Variants in NPAS4 observed in about 807,000 individuals in gnomAD.
The protein encoded by NPAS4 is neuronal PAS domain protein 4.
In NPAS4, 10 loss-of-function variants were observed where a neutral mutation model predicts 64.0. The ratio of observed to expected loss-of-function variants is 0.16; its 90% CI spans 0.10 to 0.26. The LOEUF (loss-of-function observed/expected upper bound fraction) is 0.26, where lower values mean the gene tolerates loss of function less well. Among genes scored for constraint, NPAS4 ranks in the 10% least tolerant of loss-of-function variants. The pLI is 1.00. For missense variants in NPAS4, 886 were observed against 992.6 expected (o/e 0.89, Z 1.44); for synonymous variants, 441 against 411.7 (o/e 1.07, Z -0.86).
In NPAS4 at chr11:66,422,188, C is replaced by G; in HGVS notation, c.244C>G (p.Pro82Ala). 6.2e-7 allele frequency: 1 copy of G among 1,614,080 alleles called. No homozygotes were observed. The highest frequency in any genetic ancestry group is 8.5e-7 in the Non-Finnish European group (1 of 1,179,988). The change falls in exon 2 of 8, where the codon CCC becomes GCC. Residue 82 changes from proline to alanine, a missense_variant. By Grantham distance (27) the Pro-to-Ala change is conservative (BLOSUM62 -1). Around this residue, in one of 3 missense-constraint regions of NPAS4, gnomAD observed 820 missense variants for 855.5 expected, o/e 0.96. Coordinates refer to ENST00000311034, the MANE Select transcript of NPAS4 (RefSeq NM_178864.4). The stretch of plus-strand genomic sequence containing the variant: ...GCTTGAGGACATCGTAGCGGCACTA[C>G]CCGGCTTTCTGCTTGTGTTCACAGC... Reference protein sequence around the residue: ...QELEDIVAALPGFLLVFTAEG... With the variant: ...QELEDIVAALAGFLLVFTAEG...
In NPAS4 at chr11:66,422,853, G is replaced by A. The variant is rs774697951; in HGVS notation, c.610G>A (p.Gly204Ser). ...GGAGCCGAGACCCCGCCCAGGTCCTGGCCCTGGCCCTGGCCCTGCCTCGCT... is the reference window on the plus strand; with the variant it reads ...GGAGCCGAGACCCCGCCCAGGTCCTAGCCCTGGCCCTGGCCCTGCCTCGCT... Reference protein sequence around the residue: ...PLEPRPRPGPGPGPGPASLFL... With the variant: ...PLEPRPRPGPSPGPGPASLFL... The change falls in exon 4 of 8, where the codon GGC (glycine) becomes AGC (serine). Residue 204 changes from glycine (G) to serine (S), a missense_variant. Around this residue, in one of 3 missense-constraint regions of NPAS4, gnomAD observed 820 missense variants for 855.5 expected, o/e 0.96. Coordinates refer to ENST00000311034, the MANE Select transcript of NPAS4 (RefSeq NM_178864.4). The A allele has an allele frequency of 4.5e-5, 73 of 1,612,702 alleles. No homozygotes were observed. The highest frequency in any genetic ancestry group is 6.0e-5 in the Non-Finnish European group (71 of 1,179,998).
In NPAS4 at chr11:66,423,311, T is replaced by A. The variant is rs1856780602; in HGVS notation, c.808+79T>A. 3 of 1,000,888 alleles carry A rather than the reference T, an allele frequency of 3.0e-6. No homozygotes were observed. In the African/African-American group the frequency reaches 4.8e-5, roughly 16 times the overall value. The allele number at this position is 1,000,888 out of a possible 1,614,324, so 62.0% of individuals were successfully genotyped here. On this transcript the variant is annotated intron_variant, in intron 5 of 7. Transcript: ENST00000311034. ...AGACCAGACAAAGAATGATCTGTAGTCAAGAGTGATGCTGGGGAGATAACA... is the reference window on the plus strand; with the variant it reads ...AGACCAGACAAAGAATGATCTGTAGACAAGAGTGATGCTGGGGAGATAACA...
chr11:66,409,724 C>T, the NPAS4 span: 1 of 152,296 alleles, frequency 6.6e-6, no homozygotes, highest in Non-Finnish European at 1.5e-5. Flanking sequence ...CAGATGCTGA[C>T]CTCCTGGCCA....
the NPAS4 span, among the ~76,000 whole-genome samples, chr11:66,413,385 T>A: frequency 6.6e-6 from 1 of 151,938 alleles, no homozygotes; most frequent in African/African-American, 2.4e-5. Flanking sequence ...GGCAAGGGGG[T>A]GCATGAGGCC....
chr11:66,411,412 G>A, the NPAS4 span, among the ~76,000 whole-genome samples: 1 of 152,174 alleles, frequency 6.6e-6, no homozygotes, highest in African/African-American at 2.4e-5. Flanking sequence ...GTAGAGCTGG[G>A]AACAGAATCT....
At position 66,424,390 on chromosome 11, in the gene NPAS4, G is replaced by A; in HGVS notation, c.1500G>A (p.Gln500=). 2 of 1,614,096 alleles carry A rather than the reference G, an allele frequency of 1.2e-6. No homozygotes were observed. Among genetic ancestry groups the A allele is most frequent in the South Asian group, 1.1e-5 (1 of 91,072 alleles). The change falls in exon 7 of 8, where the codon CAG becomes CAA. Residue 500 remains glutamine, a synonymous_variant. Transcript: ENST00000311034. Reference sequence around the variant, plus strand: ...CCTCGGTCAGAAGCTATGAAGACCAGTTGACTCCCTGCACCTCCACCTTCC... The same window carrying A: ...CCTCGGTCAGAAGCTATGAAGACCAATTGACTCCCTGCACCTCCACCTTCC... The part of the protein sequence containing the change: ...TETSVRSYED[Q]LTPCTSTFPD...
upstream of NPAS4, among the ~76,000 whole-genome samples, chr11:66,418,718 C>T (rs1856696754): frequency 6.6e-6 from 1 of 152,158 alleles, no homozygotes; most frequent in Admixed American, 6.5e-5. Flanking sequence ...CCCTTAGAGC[C>T]CAGAAATCTT....
intron 1 of NPAS4, 52 bp from the exon 2 acceptor site, chr11:66,422,068 T>C: frequency 1.3e-6 from 2 of 1,552,934 alleles, no homozygotes; most frequent in Admixed American, 1.7e-5. Context: ...TCCTCACTTC[T>C]TCTCTGCCTC....
Position 66,422,937 on chromosome 11 carries a change from G to A in NPAS4, c.694G>A (p.Glu232Lys), listed in dbSNP as rs760017485. The A allele has an allele frequency of 3.1e-6, 5 of 1,604,108 alleles. No individual in the cohort carries two copies. The highest frequency in any genetic ancestry group is 4.2e-6 in the Non-Finnish European group (5 of 1,179,840). The change falls in exon 4 of 8, where the codon GAG becomes AAG. Residue 232 changes from glutamate to lysine, a missense_variant. By Grantham distance (56) the Glu-to-Lys change is moderately conservative. Around this residue, in one of 3 missense-constraint regions of NPAS4, gnomAD observed 820 missense variants for 855.5 expected, o/e 0.96. Transcript: ENST00000311034. ...AKDLALLDIS[E>K]SVLIYLGFER... ...AGACCTGGCTCTACTGGACATCTCCGAGAGGTAAGCCTGGAGTGTTCAGAT... is the reference window on the plus strand; with the variant it reads ...AGACCTGGCTCTACTGGACATCTCCAAGAGGTAAGCCTGGAGTGTTCAGAT...
At chr11:66,422,307 A>G (rs753486418) in intron 2 of NPAS4, 36 bp downstream of exon 2, 3 of 1,609,968 alleles carry the variant, frequency 1.9e-6, no homozygotes, top group South Asian at 1.1e-5. Flanking sequence ...GAGGCTGGGC[A>G]TGGAGTGGGT....
chr11:66,414,200 T>C, the NPAS4 span, among the ~76,000 whole-genome samples: 1 of 152,288 alleles, frequency 6.6e-6, no homozygotes, highest in South Asian at 2.1e-4. Context: ...ATTTGCCAGC[T>C]GGGAGTGGTG....
In NPAS4 at chr11:66,422,476, G is replaced by A. The variant is rs772995120; in HGVS notation, c.353G>A (p.Ser118Asn). ...SMVDLVAQGD[S>N]IYDIIDPADH... ...GTGGACCTGGTTGCCCAGGGTGACA[G>A]CATCTACGACATCATTGACCCAGCT... The change falls in exon 3 of 8, where the codon AGC (serine) becomes AAC (asparagine). Residue 118 changes from serine to asparagine, a missense_variant. By Grantham distance (46) the Ser-to-Asn change is conservative. This residue lies in a region of NPAS4 where 820 missense variants were observed against 855.5 expected (regional missense o/e 0.96). Coordinates refer to ENST00000311034, the MANE Select transcript of NPAS4 (RefSeq NM_178864.4). 13 of 1,613,824 alleles carry A rather than the reference G, an allele frequency of 8.1e-6. No individual in the cohort carries two copies. Among genetic ancestry groups the A allele is most frequent in the Non-Finnish European group, 1.0e-5 (12 of 1,179,876 alleles).
In NPAS4 at chr11:66,423,036, G is replaced by A. The variant is rs971574298; in HGVS notation, c.699-87G>A. Reference sequence around the variant, plus strand: ...CAGGGGCAGGGAGGATGGGGTTTAGGGGGGCAGAGGATCTGGGAGGGAGTG... The same window carrying A: ...CAGGGGCAGGGAGGATGGGGTTTAGAGGGGCAGAGGATCTGGGAGGGAGTG... On this transcript the variant is annotated intron_variant, in intron 4 of 7. Coordinates refer to ENST00000311034, the MANE Select transcript of NPAS4 (RefSeq NM_178864.4). 4.6e-6 allele frequency: 7 copies of A among 1,518,992 alleles called. No homozygotes were observed. The South Asian group carries it at 4.7e-5, about 10-fold the overall frequency. The allele number at this position is 1,518,992 out of a possible 1,614,324, so 94.1% of individuals were successfully genotyped here. A position where few individuals can be genotyped will look rare whatever the true frequency, so the allele number is the denominator to read the frequency against.
At position 66,423,564 on chromosome 11, in the gene NPAS4, T is replaced by C. The variant is rs1284025235; in HGVS notation, c.809-14T>C. 6.2e-7 allele frequency: 1 copy of C among 1,613,748 alleles called. No individual in the cohort carries two copies. ...CTGGTGGACATCCTAACTCTGCATCTTCTTTCTCCCCAGTGGCTGAGAGTG... is the reference window on the plus strand; with the variant it reads ...CTGGTGGACATCCTAACTCTGCATCCTCTTTCTCCCCAGTGGCTGAGAGTG... On this transcript the variant is annotated splice_polypyrimidine_tract_variant and intron_variant, in intron 5 of 7. Transcript: ENST00000311034.
chr11:66,422,040 G>A (rs1856752269), intron 1 of NPAS4, 80 bp from the exon 2 acceptor site: 6 of 1,317,774 alleles, frequency 4.6e-6, no homozygotes, highest in African/African-American at 2.9e-5. Context: ...TGGATTCTCT[G>A]AAACTCAGAC....
the NPAS4 span, among the ~76,000 whole-genome samples, chr11:66,412,926 C>T: frequency 1.3e-5 from 2 of 152,256 alleles, no homozygotes; most frequent in Admixed American, 6.5e-5. Context: ...TGCCACACCA[C>T]CTCCTCAAGC....
the NPAS4 span, among the ~76,000 whole-genome samples, chr11:66,412,292 T>A: frequency 6.6e-6 from 1 of 152,140 alleles, no homozygotes; most frequent in Non-Finnish European, 1.5e-5. Context: ...TGGTGAGCAG[T>A]GGAGGGGGCA....
rs766027734 is a variant in NPAS4 at position 66,423,732 on chromosome 11, G to A, written c.944+19G>A. The stretch of plus-strand genomic sequence containing the variant: ...CAATCAGGTAAGCCACAAGCCAGGG[G>A]ACTAGGGGGCAGCTGAGGTCGTCAT... On this transcript the variant is annotated intron_variant, in intron 6 of 7. Coordinates refer to ENST00000311034, the MANE Select transcript of NPAS4 (RefSeq NM_178864.4). 3.7e-6 allele frequency: 6 copies of A among 1,613,826 alleles called. No individual in the cohort carries two copies. Among genetic ancestry groups the A allele is most frequent in the Non-Finnish European group, 4.2e-6 (5 of 1,179,890 alleles).
the NPAS4 span, among the ~76,000 whole-genome samples, chr11:66,411,561 G>C: frequency 6.6e-6 from 1 of 152,162 alleles, no homozygotes. Flanking sequence ...AGCCTGTCAG[G>C]GATGGCAATT....
Sources: allele counts gnomAD v4.1 joint callset (sites outside exome capture counted in the v4.1 genomes callset), GRCh38; gene constraint gnomAD v4.1.1; regional missense constraint gnomAD v4.1.1; transcripts MANE v1.5; gene names NCBI Gene and HGNC (gene_info 2026-07-23, HGNC 2026-07-21).